NR1I2: variants seen among roughly 807,000 people sequenced by gnomAD.
NR1I2 encodes nuclear receptor subfamily 1 group I member 2.
A neutral mutation model predicts 43.3 loss-of-function variants in NR1I2; 42 were observed. The ratio of observed to expected loss-of-function variants is 0.97; its 90% CI spans 0.76 to 1.26. NR1I2 has a LOEUF of 1.26. Among genes scored for constraint, NR1I2 ranks in the 50% most tolerant of loss-of-function variants. The pLI, the probability that NR1I2 is intolerant of heterozygous loss-of-function variation, is 0.00. For missense variants in NR1I2, 559 were observed against 566.7 expected (o/e 0.99, Z 0.14); for synonymous variants, 229 against 215.0 (o/e 1.06, Z -0.57).
intron 1 of NR1I2, among the ~76,000 whole-genome samples, chr3:119,795,062 GAA>G (rs1392434500): frequency 2.5e-4 from 38 of 152,230 alleles, no homozygotes; most frequent in Non-Finnish European, 5.0e-4. Context: ...TGACTAACCT[GAA>G]CACCAGATGA....
rs558162543 is a variant in NR1I2, at chr3:119,796,406, T to G, written c.-22-10823T>G. Among the ~76,000 whole-genome samples the G allele has an allele frequency of 1.2e-4, 18 of 152,336 alleles. No individual in the cohort carries two copies. The South Asian group carries it at 3.7e-3, about 32-fold the overall frequency. On this transcript the variant is annotated intron_variant, in intron 1 of 8. Coordinates refer to ENST00000393716, the MANE Select transcript of NR1I2 (RefSeq NM_003889.4). ...GGAACCCACTGTCTTCCATTGGTCA[T>G]GTTCCACCCAGCAGGTTCTATCTAG...
At chr3:119,807,087 G>A (rs778401394) in intron 1 of NR1I2, 142 bp from the exon 2 acceptor site, 33 of 729,526 alleles carry the variant, frequency 4.5e-5, no homozygotes, top group African/African-American at 1.4e-4. Context: ...CCCATTCCCC[G>A]CTTTTTTTCC....
At chr3:119,810,349 C>A in intron 3 of NR1I2, 155 bp downstream of exon 3, 1 of 1,195,174 alleles carries the variant, frequency 8.4e-7, no homozygotes, top group Non-Finnish European at 1.1e-6. Context: ...CAACAGGCAG[C>A]CACCTGGGGG....
intron 4 of NR1I2, among the ~76,000 whole-genome samples, chr3:119,812,459 A>C (rs994686666): frequency 6.6e-6 from 1 of 152,146 alleles, no homozygotes; most frequent in Admixed American, 6.5e-5. Flanking sequence ...TAATTCATAG[A>C]TCCCCAAAGC....
intron 1 of NR1I2, among the ~76,000 whole-genome samples, chr3:119,795,214 T>C (rs1223840912): frequency 6.6e-6 from 1 of 152,142 alleles, no homozygotes; most frequent in Non-Finnish European, 1.5e-5. Flanking sequence ...GCTGTGACCC[T>C]GGAGAGTCCT....
chr3:119,787,023 C>A (rs1040755670), intron 1 of NR1I2, among the ~76,000 whole-genome samples: 1 of 152,122 alleles, frequency 6.6e-6, no homozygotes, highest in African/African-American at 2.4e-5. Flanking sequence ...CATGGTGGAT[C>A]ATGCCTGTAA....
chr3:119,812,747 A>T lies in NR1I2; in HGVS notation c.581A>T (p.Glu194Val), dbSNP rs2055262260. Residue 194 changes from glutamate (E) to valine (V), a missense_variant, in exon 5 of 9, where the codon GAA (glutamate) becomes GTA (valine). Physicochemically the swap from Glu to Val is moderately radical, Grantham distance 121 (BLOSUM62 -2). Coordinates refer to ENST00000393716, the MANE Select transcript of NR1I2 (RefSeq NM_003889.4). ...GAGTCTCTGCAGGCCCCATCGAGGG[A>T]AGAAGCTGCCAAGTGGAGCCAGGTC... is the stretch of plus-strand genomic sequence containing the variant. The T allele has an allele frequency of 6.2e-7, 1 of 1,614,036 alleles. No individual in the cohort carries two copies. Among genetic ancestry groups the T allele is most frequent in the South Asian group, 1.1e-5 (1 of 91,084 alleles).
At chr3:119,792,340 C>A in intron 1 of NR1I2, 1 of 1,421,414 alleles carries the variant, frequency 7.0e-7, no homozygotes. Context: ...ACACATCTGA[C>A]CTTCAGGAAG....
chr3:119,815,022 G>T lies in NR1I2; in HGVS notation c.838G>T (p.Ala280Ser), dbSNP rs779833449. ...CCAGATCTCCCTGCTGAAGGGGGCC[G>T]CTTTCGAGCTGTGTCAACTGAGATT... The change falls in exon 6 of 9, where the codon GCT becomes TCT. Residue 280 changes from alanine (A) to serine (S), a missense_variant. Ala to Ser is a moderately conservative substitution (Grantham distance 99). Around this residue, in one of 3 missense-constraint regions of NR1I2, gnomAD observed 323 missense variants for 312.2 expected, o/e 1.03. Coordinates refer to ENST00000393716, the MANE Select transcript of NR1I2 (RefSeq NM_003889.4). The T allele has an allele frequency of 6.2e-7, 1 of 1,614,142 alleles. No individual in the cohort carries two copies. The highest frequency in any genetic ancestry group is 2.2e-5 in the East Asian group (1 of 44,880).
At chr3:119,794,023 T>G (rs1222716078) in intron 1 of NR1I2, among the ~76,000 whole-genome samples, 1 of 152,196 alleles carries the variant, frequency 6.6e-6, no homozygotes, top group Non-Finnish European at 1.5e-5. Flanking sequence ...TTTAAAATTA[T>G]TTTTTAGACA....
At chr3:119,809,095 A>T (rs2055198822) in intron 2 of NR1I2, among the ~76,000 whole-genome samples, 1 of 152,148 alleles carries the variant, frequency 6.6e-6, no homozygotes. Context: ...GGACCTCTGC[A>T]GCCCTACCTG....
At chr3:119,782,726 G>A in intron 1 of NR1I2, 1 of 1,532,730 alleles carries the variant, frequency 6.5e-7, no homozygotes, top group Non-Finnish European at 9.0e-7. Flanking sequence ...CTGGGTTAGT[G>A]CTGGCAGCCC....
chr3:119,815,111 A>G lies in NR1I2; in HGVS notation c.927A>G (p.Glu309=). ...GTGGCCGGCTGTCCTACTGCTTGGA[A>G]GACACTGCAGGTGCCCGAGAGAGCC... Residue 309 remains glutamate, a synonymous_variant, in exon 6 of 9, where the codon GAA becomes GAG. Transcript: ENST00000393716. The G allele has an allele frequency of 1.9e-6, 3 of 1,614,174 alleles. No individual in the cohort carries two copies. The highest frequency in any genetic ancestry group is 2.5e-6 in the Non-Finnish European group (3 of 1,180,028).
intron 1 of NR1I2, among the ~76,000 whole-genome samples, chr3:119,797,412 CCTT>C (rs1559785356): frequency 6.6e-6 from 1 of 152,076 alleles, no homozygotes; most frequent in Non-Finnish European, 1.5e-5. Flanking sequence ...TACCATACCT[CCTT>C]CTTCAAGCTG....
rs1553719821 is a variant in NR1I2, at chr3:119,817,203, A to G, written c.1296A>G (p.Thr432=). 1.2e-6 allele frequency: 2 copies of G among 1,613,874 alleles called. No individual in the cohort carries two copies. Among genetic ancestry groups the G allele is most frequent in the Non-Finnish European group, 1.7e-6 (2 of 1,180,010 alleles). ...TCATGCAGGAGTTGTTCGGCATCAC[A>G]GGTAGCTGAGCGGCTGCCCTTGGGT... Residue 432 remains threonine (T), a synonymous_variant, in exon 9 of 9, where the codon ACA becomes ACG. Coordinates refer to ENST00000393716, the MANE Select transcript of NR1I2 (RefSeq NM_003889.4).
chr3:119,812,010 C>A (rs1328183973), intron 4 of NR1I2, among the ~76,000 whole-genome samples: 1 of 152,140 alleles, frequency 6.6e-6, no homozygotes, highest in East Asian at 1.9e-4. Context: ...CAGGACCCCC[C>A]GGTGATTCTG....
chr3:119,804,311 C>T (rs1559787358), intron 1 of NR1I2, among the ~76,000 whole-genome samples: 3 of 150,588 alleles, frequency 2.0e-5, no homozygotes, highest in Admixed American at 6.6e-5. Context: ...GGAGGTGGAG[C>T]TTGCAGTGAG....
intron 1 of NR1I2, among the ~76,000 whole-genome samples, chr3:119,804,442 ATTTTTTTTTTT>A (rs758279497): frequency 8.4e-6 from 1 of 118,552 alleles, no homozygotes; most frequent in Non-Finnish European, 1.7e-5. Flanking sequence ...CATAGTTGGT[ATTTTTTTTTTT>A]TTTTTTTTGA....
At chr3:119,797,114 A>G (rs2055010658) in intron 1 of NR1I2, among the ~76,000 whole-genome samples, 1 of 151,868 alleles carries the variant, frequency 6.6e-6, no homozygotes. Flanking sequence ...TGTGTCATTC[A>G]TGGAAGACCT....
Sources: allele counts gnomAD v4.1 joint callset (sites outside exome capture counted in the v4.1 genomes callset), GRCh38; gene constraint gnomAD v4.1.1; regional missense constraint gnomAD v4.1.1; transcripts MANE v1.5; gene names NCBI Gene and HGNC (gene_info 2026-07-23, HGNC 2026-07-21).